Variants in SKIC3 observed in about 807,000 individuals in gnomAD.
SKIC3 encodes the protein superkiller complex protein 3.
At chr5:95,496,674 C>G in the SKIC3 span, among the ~76,000 whole-genome samples, 2 of 152,086 alleles carry the variant, frequency 1.3e-5, no homozygotes, top group African/African-American at 4.8e-5. Flanking sequence ...AAATAATTTT[C>G]AAGTACACAC....
chr5:95,529,226 A>G, the SKIC3 span: 1 of 816,824 alleles, frequency 1.2e-6, no homozygotes, highest in Non-Finnish European at 2.1e-6. Context: ...TCAGTCACAA[A>G]GTCACACTGA....
chr5:95,469,896 A>G, the SKIC3 span: 4 of 1,614,158 alleles, frequency 2.5e-6, no homozygotes, highest in Non-Finnish European at 3.4e-6. Flanking sequence ...GCCAGTGATC[A>G]TTGGAAATGT....
the SKIC3 span, among the ~76,000 whole-genome samples, chr5:95,471,587 A>C: frequency 6.6e-6 from 1 of 151,808 alleles, no homozygotes. Flanking sequence ...TAATATTTGC[A>C]CATACTTCCC....
chr5:95,482,547 G>A, the SKIC3 span: 2 of 1,614,018 alleles, frequency 1.2e-6, no homozygotes, highest in South Asian at 1.1e-5. Flanking sequence ...TCTGGGAGTG[G>A]CTTTTGTGAC....
the SKIC3 span, among the ~76,000 whole-genome samples, chr5:95,503,615 A>C: frequency 6.6e-6 from 1 of 152,200 alleles, no homozygotes; most frequent in Non-Finnish European, 1.5e-5. Flanking sequence ...TAACACTACT[A>C]TAAAGACTAT....
the SKIC3 span, among the ~76,000 whole-genome samples, chr5:95,479,216 C>G: frequency 6.6e-6 from 1 of 152,174 alleles, no homozygotes; most frequent in Non-Finnish European, 1.5e-5. Context: ...CACAACAGAA[C>G]AACAACAAAA....
At chr5:95,549,522 T>A in the SKIC3 span, among the ~76,000 whole-genome samples, 2 of 152,074 alleles carry the variant, frequency 1.3e-5, no homozygotes, top group Non-Finnish European at 2.9e-5. Context: ...AGTATCTGTA[T>A]GTCTCCATAT....
chr5:95,498,551 G>C, the SKIC3 span: 8 of 1,614,200 alleles, frequency 5.0e-6, no homozygotes, highest in Non-Finnish European at 6.8e-6. Flanking sequence ...AGAGCACACA[G>C]GGCTTGAAGG....
chr5:95,543,119 T>C, the SKIC3 span: 4 of 1,584,118 alleles, frequency 2.5e-6, no homozygotes, highest in Admixed American at 3.4e-5. Flanking sequence ...TGTTGAAACC[T>C]GTATTTTGAA....
At chr5:95,553,467 C>T in the SKIC3 span, among the ~76,000 whole-genome samples, 3 of 152,142 alleles carry the variant, frequency 2.0e-5, no homozygotes, top group African/African-American at 7.2e-5. Flanking sequence ...CTTGTATTAC[C>T]TTCCGTGCTG....
At chr5:95,551,331 G>GA in the SKIC3 span, among the ~76,000 whole-genome samples, 2 of 151,396 alleles carry the variant, frequency 1.3e-5, no homozygotes, top group Admixed American at 6.6e-5. Flanking sequence ...TGAATAAAGT[G>GA]AAAAAAAACA....
chr5:95,526,770 C>T, the SKIC3 span, among the ~76,000 whole-genome samples: 2 of 152,064 alleles, frequency 1.3e-5, no homozygotes, highest in African/African-American at 4.8e-5. Context: ...GCCTGATTGC[C>T]TTTGTGTGAT....
At chr5:95,491,121 C>T in the SKIC3 span, 7 of 1,526,148 alleles carry the variant, frequency 4.6e-6, no homozygotes, top group Admixed American at 4.2e-5. Context: ...TAAGAGTTTA[C>T]AAGTTAAAAA....
At chr5:95,520,870 TAAAA>T in the SKIC3 span, 1 of 1,268,554 alleles carries the variant, frequency 7.9e-7, no homozygotes. Context: ...AATAAACACT[TAAAA>T]TGAACTTCAA....
chr5:95,494,589 A>G, the SKIC3 span: 11 of 1,282,148 alleles, frequency 8.6e-6, no homozygotes, highest in Non-Finnish European at 1.1e-5. Context: ...TGCCAATAAA[A>G]TATATATTGT....
chr5:95,497,960 CATA>C, the SKIC3 span, among the ~76,000 whole-genome samples: 1 of 151,964 alleles, frequency 6.6e-6, no homozygotes, highest in Admixed American at 6.6e-5. Flanking sequence ...AAAAATAAAA[CATA>C]ATAATTAACC....
At chr5:95,526,152 T>C in the SKIC3 span, among the ~76,000 whole-genome samples, 1 of 152,212 alleles carries the variant, frequency 6.6e-6, no homozygotes, top group African/African-American at 2.4e-5. Context: ...TGTCTCATAT[T>C]TTAACAATTT....
the SKIC3 span, among the ~76,000 whole-genome samples, chr5:95,510,511 C>T: frequency 6.6e-6 from 1 of 152,172 alleles, no homozygotes; most frequent in Non-Finnish European, 1.5e-5. Flanking sequence ...GGGATAACAT[C>T]ACTATTCAGA....
the SKIC3 span, among the ~76,000 whole-genome samples, chr5:95,502,637 T>TA: frequency 5.3e-5 from 8 of 152,124 alleles, no homozygotes; most frequent in African/African-American, 1.7e-4. Context: ...GTTTCTCTTT[T>TA]AAAAAAACAA....
Sources: gnomAD v4.1 joint callset for allele counts (sites outside exome capture counted in the v4.1 genomes callset) on GRCh38, gnomAD v4.1.1 for gene constraint, MANE v1.5 for transcripts, NCBI Gene and HGNC (gene_info 2026-07-23, HGNC 2026-07-21) for gene names.